The following TMTC2 variants were observed in gnomAD, a reference collection of about 807,000 sequenced individuals.
TMTC2 encodes the protein transmembrane O-mannosyltransferase targeting cadherins 2.
A neutral mutation model predicts 82.4 loss-of-function variants in TMTC2; 43 were observed. The ratio of observed to expected loss-of-function variants is 0.52; its 90% confidence interval spans 0.41 to 0.67. The LOEUF (loss-of-function observed/expected upper bound fraction) is 0.67, where lower values mean the gene tolerates loss of function less well. Ranked by LOEUF, TMTC2 falls within the 30% of genes least tolerant of loss-of-function variation. The probability of loss-of-function intolerance (pLI) is 0.00; values close to 1 mark genes in which losing one functional copy is unlikely to be tolerated. For missense variants in TMTC2, 919 were observed against 1,012.4 expected, an observed-to-expected ratio of 0.91 and a Z score of 1.25; for synonymous variants, 408 against 381.9, an observed-to-expected ratio of 1.07 and a Z score of -0.80.
chr12:82,806,270 A>G (rs185543725), intron 1 of TMTC2, among the ~76,000 whole-genome samples: 2 of 152,284 alleles, frequency 1.3e-5, no homozygotes, highest in Admixed American at 6.5e-5. Flanking sequence ...ACAAGAAAAA[A>G]AATGGCTCAA....
chr12:82,895,115 C>A (rs1873593172), intron 2 of TMTC2, among the ~76,000 whole-genome samples: 2 of 151,872 alleles, frequency 1.3e-5, no homozygotes, highest in African/African-American at 4.8e-5. Flanking sequence ...CTGTGCCCGG[C>A]CTAAAGTAAT....
intron 1 of TMTC2, among the ~76,000 whole-genome samples, chr12:82,774,030 C>T (rs1046271594): frequency 1.3e-5 from 2 of 151,998 alleles, no homozygotes; most frequent in Non-Finnish European, 2.9e-5. Flanking sequence ...GAAGAATACT[C>T]ATCCCAAGAT....
intron 8 of TMTC2, among the ~76,000 whole-genome samples, chr12:83,014,904 G>T (rs1421523414): frequency 6.6e-6 from 1 of 152,116 alleles, no homozygotes; most frequent in African/African-American, 2.4e-5. Context: ...AGCTTTACGT[G>T]TGCTATCTTT....
intron 4 of TMTC2, among the ~76,000 whole-genome samples, chr12:82,959,085 A>G (rs1441721850): frequency 2.0e-5 from 3 of 152,152 alleles, no homozygotes; most frequent in Non-Finnish European, 4.4e-5. Flanking sequence ...CAATAGCCAT[A>G]TACACACACA....
chr12:82,900,824 T>C (rs1272714111), intron 3 of TMTC2, among the ~76,000 whole-genome samples: 1 of 132,492 alleles, frequency 7.5e-6, no homozygotes, highest in African/African-American at 2.8e-5. Flanking sequence ...GGAATATATA[T>C]ACCTGGAATA....
chr12:82,899,623 T>TATATATATAAGA lies in TMTC2; in HGVS notation c.1483+2985_1483+2986insAAGAATATATAT, dbSNP rs1565800029. On this transcript the variant is annotated intron_variant, in intron 3 of 11. Transcript: ENST00000321196. ...TATGTGGAATATATATATATAAGAA[T>TATATATATAAGA]ATATATATGTGGAATATATATATAT... is the stretch of plus-strand genomic sequence containing the variant. Among the ~76,000 whole-genome samples, 384 of 133,550 alleles carry TATATATATAAGA rather than the reference T, an allele frequency of 2.9e-3. 29 individuals are homozygous for TATATATATAAGA. Among genetic ancestry groups the TATATATATAAGA allele is most frequent in the African/African-American group, 0.012 (365 of 30,830 alleles). 87.6% of individuals were successfully genotyped at this position (133,550 alleles called of 152,430 possible). A position where few individuals can be genotyped will look rare whatever the true frequency, so the allele number is the denominator to read the frequency against.
intron 7 of TMTC2, among the ~76,000 whole-genome samples, chr12:82,985,624 G>A (rs954130524): frequency 2.6e-5 from 4 of 152,108 alleles, no homozygotes; most frequent in Non-Finnish European, 4.4e-5. Flanking sequence ...AAAAGGAAAA[G>A]AAATGATGAT....
chr12:82,825,368 G>C (rs1459169244), intron 1 of TMTC2, among the ~76,000 whole-genome samples: 2 of 152,168 alleles, frequency 1.3e-5, no homozygotes, highest in Non-Finnish European at 2.9e-5. Flanking sequence ...GAATGGGAGA[G>C]CATGCAGGAC....
chr12:83,121,875 G>A (rs1309465868), intron 11 of TMTC2, among the ~76,000 whole-genome samples: 2 of 152,128 alleles, frequency 1.3e-5, no homozygotes, highest in Non-Finnish European at 2.9e-5. Flanking sequence ...ATGGAGTTAT[G>A]TTCTTAGGAG....
rs1197323380 is a variant in TMTC2 at position 83,134,668 on chromosome 12, G to A, written c.*2279G>A. 6.6e-6 allele frequency: 1 copy of A among 152,124 alleles called. No individual in the cohort carries two copies. The highest frequency in any genetic ancestry group is 1.5e-5 in the Non-Finnish European group (1 of 68,018). 9.4% of individuals were successfully genotyped at this position (152,124 alleles called of 1,614,324 possible). ...CATGATCAAAAAATGTCTCCGCTCA[G>A]GGATTTATGGTGGATTATTGCAGAC... On this transcript the variant is annotated 3_prime_UTR_variant, in exon 12 of 12. Coordinates refer to ENST00000321196, the MANE Select transcript of TMTC2 (RefSeq NM_152588.3).
chr12:82,737,454 C>T (rs1290189107), intron 1 of TMTC2, among the ~76,000 whole-genome samples: 1 of 152,116 alleles, frequency 6.6e-6, no homozygotes, highest in Non-Finnish European at 1.5e-5. Context: ...CTCGACAGTT[C>T]TGTTTACTGC....
intron 11 of TMTC2, among the ~76,000 whole-genome samples, chr12:83,087,080 C>T (rs1471369134): frequency 6.6e-6 from 1 of 152,218 alleles, no homozygotes; most frequent in African/African-American, 2.4e-5. Flanking sequence ...TGCTCCACTG[C>T]TTTGTCAAAT....
At chr12:82,971,321 A>G (rs981330774) in intron 7 of TMTC2, among the ~76,000 whole-genome samples, 2 of 152,148 alleles carry the variant, frequency 1.3e-5, no homozygotes, top group Admixed American at 1.3e-4. Flanking sequence ...AAAATTAGCA[A>G]AAATTAAATA....
chr12:82,850,206 G>A (rs1175847281), intron 1 of TMTC2, among the ~76,000 whole-genome samples: 5 of 152,110 alleles, frequency 3.3e-5, no homozygotes, highest in Non-Finnish European at 5.9e-5. Flanking sequence ...TAAATTCCAA[G>A]CATTTTAAGT....
intron 11 of TMTC2, among the ~76,000 whole-genome samples, chr12:83,131,214 A>G (rs1885246559): frequency 6.6e-6 from 1 of 152,258 alleles, no homozygotes; most frequent in African/African-American, 2.4e-5. Context: ...TGTAACTGCC[A>G]AAATATTATC....
intron 11 of TMTC2, among the ~76,000 whole-genome samples, chr12:83,094,286 G>C (rs1883948803): frequency 6.6e-6 from 1 of 152,210 alleles, no homozygotes; most frequent in East Asian, 1.9e-4. Context: ...CTTGGAAGAG[G>C]AATAGTGTTT....
At chr12:82,952,534 C>G (rs1301266684) in intron 4 of TMTC2, among the ~76,000 whole-genome samples, 1 of 152,058 alleles carries the variant, frequency 6.6e-6, no homozygotes, top group African/African-American at 2.4e-5. Flanking sequence ...CACACACACA[C>G]ACACATATGT....
intron 7 of TMTC2, among the ~76,000 whole-genome samples, chr12:82,984,529 G>A (rs968321928): frequency 6.6e-6 from 1 of 151,986 alleles, no homozygotes; most frequent in Non-Finnish European, 1.5e-5. Context: ...CATCCAATGT[G>A]GGCAATTCAT....
At position 83,133,921 on chromosome 12, in the gene TMTC2, A is replaced by T. The variant is rs1376943018; in HGVS notation, c.*1532A>T. On this transcript the variant is annotated 3_prime_UTR_variant, in exon 12 of 12. Transcript: ENST00000321196. ...TGTTTCTCCTTCCCTTTCACACTCC[A>T]TGTATATATGATCAGCCTCTCCATT... The T allele has an allele frequency of 6.6e-6, 1 of 152,244 alleles. No homozygotes were observed. Among genetic ancestry groups the T allele is most frequent in the Non-Finnish European group, 1.5e-5 (1 of 68,028 alleles). 9.4% of individuals were successfully genotyped at this position (152,244 alleles called of 1,614,324 possible). A position where few individuals can be genotyped will look rare whatever the true frequency, so the allele number is the denominator to read the frequency against.
Sources: gnomAD v4.1 joint callset for allele counts (sites outside exome capture counted in the v4.1 genomes callset) on GRCh38, gnomAD v4.1.1 for gene constraint, MANE v1.5 for transcripts, NCBI Gene and HGNC (gene_info 2026-07-23, HGNC 2026-07-21) for gene names.